The following RANBP2 variants were observed in gnomAD, a reference collection of about 807,000 sequenced individuals.
The protein encoded by RANBP2 is RAN binding protein 2, also known as E3 SUMO-protein ligase RanBP2.
Under a neutral mutation model 303.6 loss-of-function variants are expected in RANBP2, and 57 were observed. That is an observed-to-expected ratio of 0.19 (90% CI 0.15 to 0.23). The LOEUF is 0.23. RANBP2 is among the 10% of genes least tolerant of loss of function. The probability of loss-of-function intolerance (pLI) is 1.00; values close to 1 mark genes in which losing one functional copy is unlikely to be tolerated. For missense variants in RANBP2, 3,138 were observed against 3,780.8 expected, an observed-to-expected ratio of 0.83 and a Z score of 4.46; for synonymous variants, 1,167 against 1,301.5, an observed-to-expected ratio of 0.90 and a Z score of 2.23.
the RANBP2 span, among the ~76,000 whole-genome samples, chr2:109,244,825 A>G: frequency 0.019 from 2,884 of 152,240 alleles, 98 homozygotes; most frequent in African/African-American, 0.065. Context: ...GGGTGGCCTG[A>G]GAACAGGGGA....
the RANBP2 span, among the ~76,000 whole-genome samples, chr2:109,384,424 G>A: frequency 1.3e-5 from 2 of 152,184 alleles, no homozygotes; most frequent in South Asian, 2.1e-4. Flanking sequence ...GGGGCAGGGA[G>A]GGAGCAGGTC....
chr2:109,447,703 T>C, the RANBP2 span, among the ~76,000 whole-genome samples: 1 of 152,198 alleles, frequency 6.6e-6, no homozygotes, highest in Non-Finnish European at 1.5e-5. Context: ...TTCATCCATA[T>C]TTATTAAGGA....
chr2:109,684,352 TGCCTCA>T, the RANBP2 span, among the ~76,000 whole-genome samples: 32 of 148,776 alleles, frequency 2.2e-4, no homozygotes, highest in Admixed American at 1.9e-3. Context: ...AGCCATTTTC[TGCCTCA>T]GTCTCCTGAG....
chr2:109,449,211 A>G, the RANBP2 span: 3 of 1,613,542 alleles, frequency 1.9e-6, no homozygotes, highest in Non-Finnish European at 2.5e-6. Flanking sequence ...GCCAACTGCC[A>G]CCGTGTCACC....
At chr2:109,755,205 G>T in the RANBP2 span, among the ~76,000 whole-genome samples, 1 of 122,678 alleles carries the variant, frequency 8.2e-6, no homozygotes, top group African/African-American at 3.3e-5. Flanking sequence ...TGGTGGGGGG[G>T]GGCCCAAGCC....
the RANBP2 span, among the ~76,000 whole-genome samples, chr2:109,628,525 A>G: frequency 1.3e-5 from 2 of 151,634 alleles, no homozygotes; most frequent in African/African-American, 4.8e-5. Flanking sequence ...TAAATAAATA[A>G]ATAAATAAAT....
chr2:109,151,590 T>C, the RANBP2 span, among the ~76,000 whole-genome samples: 100 of 152,358 alleles, frequency 6.6e-4, 1 homozygote, highest in Middle Eastern at 0.024. Flanking sequence ...TGAAAACTTA[T>C]TAATTTGCAT....
chr2:108,806,847 G>A, the RANBP2 span, among the ~76,000 whole-genome samples: 1 of 152,196 alleles, frequency 6.6e-6, no homozygotes, highest in Non-Finnish European at 1.5e-5. Context: ...GCCAAGCTGA[G>A]GAGGCAAGGA....
chr2:109,504,263 T>G, the RANBP2 span: 1 of 152,198 alleles, frequency 6.6e-6, no homozygotes, highest in Non-Finnish European at 1.5e-5. Flanking sequence ...GTAGTGGCCT[T>G]GGGGGGCCAC....
At chr2:108,954,181 T>C in the RANBP2 span, among the ~76,000 whole-genome samples, 2 of 152,188 alleles carry the variant, frequency 1.3e-5, no homozygotes, top group African/African-American at 4.8e-5. Flanking sequence ...CTAGATAGCA[T>C]AGATGGCATT....
the RANBP2 span, among the ~76,000 whole-genome samples, chr2:109,693,214 A>G: frequency 2.0e-5 from 3 of 149,366 alleles, no homozygotes; most frequent in South Asian, 2.2e-4. Context: ...ATCTCACTCT[A>G]TCGCCCAGGC....
rs2912839 is a variant in RANBP2 at position 108,755,042 on chromosome 2, G to A, written c.2340G>A (p.Pro780=). The stretch of plus-strand genomic sequence containing the variant: ...ATTCAGAAATAAAACATTCTACACC[G>A]TCTCCTACCAGATATTCACTATCAC... The part of the protein sequence containing the change: ...NADSEIKHST[P]SPTRYSLSPS... The change falls in exon 16 of 29, where the codon CCG becomes CCA. Residue 780 remains proline, a synonymous_variant. Coordinates refer to ENST00000283195, the MANE Select transcript of RANBP2 (RefSeq NM_006267.5). 125 of 1,611,788 alleles carry A rather than the reference G, an allele frequency of 7.8e-5. 3 individuals are homozygous for A. The highest frequency in any genetic ancestry group is 5.3e-4 in the African/African-American group (40 of 74,906).
chr2:109,689,864 A>T, the RANBP2 span, among the ~76,000 whole-genome samples: 39 of 151,966 alleles, frequency 2.6e-4, no homozygotes, highest in Non-Finnish European at 5.3e-4. Context: ...ATGTTTTTCC[A>T]AAAAAAAGTG....
At chr2:109,380,087 G>C in the RANBP2 span, among the ~76,000 whole-genome samples, 1 of 152,168 alleles carries the variant, frequency 6.6e-6, no homozygotes, top group Non-Finnish European at 1.5e-5. Flanking sequence ...GTTGGGGTCT[G>C]TACATTTTCT....
the RANBP2 span, among the ~76,000 whole-genome samples, chr2:109,307,500 G>A: frequency 6.7e-6 from 1 of 149,010 alleles, no homozygotes; most frequent in African/African-American, 2.5e-5. Context: ...GTATACATGT[G>A]CCATGCTGGT....
At chr2:109,528,376 T>A in the RANBP2 span, among the ~76,000 whole-genome samples, 1 of 152,230 alleles carries the variant, frequency 6.6e-6, no homozygotes, top group Admixed American at 6.5e-5. Flanking sequence ...GTCTAAAGGT[T>A]TGCCATTTTA....
chr2:109,520,749 G>A, the RANBP2 span, among the ~76,000 whole-genome samples: 3 of 138,802 alleles, frequency 2.2e-5, no homozygotes, highest in Non-Finnish European at 4.9e-5. Context: ...TGGCCAATAC[G>A]GTGAAACCCT....
intron 19 of RANBP2, among the ~76,000 whole-genome samples, chr2:108,763,009 T>C (rs993560123): frequency 2.6e-5 from 4 of 152,166 alleles, no homozygotes; most frequent in African/African-American, 9.7e-5. Flanking sequence ...ACACTAAGCT[T>C]ATGGGAGTTA....
chr2:108,874,578 A>G, the RANBP2 span, among the ~76,000 whole-genome samples: 5 of 152,142 alleles, frequency 3.3e-5, no homozygotes. Context: ...TTCCCGTGGT[A>G]GAGAATTTAG....
Sources: gnomAD v4.1 joint callset for allele counts (sites outside exome capture counted in the v4.1 genomes callset) on GRCh38, gnomAD v4.1.1 for gene constraint, MANE v1.5 for transcripts, NCBI Gene and HGNC (gene_info 2026-07-23, HGNC 2026-07-21) for gene names.